The following YPEL1 variants were observed in gnomAD, a reference collection of about 807,000 sequenced individuals.
The protein encoded by YPEL1 is yippee like 1, also known as protein yippee-like 1.
In YPEL1, 7 loss-of-function variants were observed where a neutral mutation model predicts 17.3. The ratio of observed to expected loss-of-function variants is 0.40; its 90% CI spans 0.23 to 0.76. The LOEUF (loss-of-function observed/expected upper bound fraction) is 0.76, where lower values mean the gene tolerates loss of function less well. Ranked by LOEUF, YPEL1 falls within the 30% of genes least tolerant of loss-of-function variation. The pLI, the probability that YPEL1 is intolerant of heterozygous loss-of-function variation, is 0.35. For missense variants in YPEL1, 91 were observed against 155.5 expected (o/e 0.59, Z 2.21); for synonymous variants, 59 against 59.6 (o/e 0.99, Z 0.05).
rs113451344 is a variant in YPEL1, at chr22:21,720,435, A to G, written c.-164-9527T>C. Among the ~76,000 whole-genome samples, 993 of 152,110 alleles carry G rather than the reference A, an allele frequency of 6.5e-3. 11 individuals carry two copies. Among genetic ancestry groups the G allele is most frequent in the African/African-American group, 0.023 (960 of 41,500 alleles). On this transcript the variant is annotated intron_variant, in intron 1 of 4. Transcript: ENST00000339468. Reference sequence around the variant, plus strand: ...AAGCTGGTCTCAAACGCCTGGGTTCAAGTGATCTAACCGCCCCAGCCTCCC... The same window carrying G: ...AAGCTGGTCTCAAACGCCTGGGTTCGAGTGATCTAACCGCCCCAGCCTCCC...
chr22:21,722,119 C>A (rs1342628586), intron 1 of YPEL1, among the ~76,000 whole-genome samples: 1 of 152,122 alleles, frequency 6.6e-6, no homozygotes, highest in Admixed American at 6.6e-5. Context: ...AGGGAAAGCA[C>A]TTCAAAAAGT....
In YPEL1 at chr22:21,710,053, T is replaced by C. The variant is rs190983448; in HGVS notation, c.117+575A>G. Among the ~76,000 whole-genome samples the C allele has an allele frequency of 3.2e-4, 49 of 152,212 alleles. No individual in the cohort carries two copies. The East Asian group carries it at 9.1e-3, about 28-fold the overall frequency. On this transcript the variant is annotated intron_variant, in intron 2 of 4. Coordinates refer to ENST00000339468, the MANE Select transcript of YPEL1 (RefSeq NM_013313.5). ...TTAAATGTTCACAACTGGTTGATGATCAACGCCACACACTGCTAATGAGGA... is the reference window on the plus strand; with the variant it reads ...TTAAATGTTCACAACTGGTTGATGACCAACGCCACACACTGCTAATGAGGA...
chr22:21,720,259 G>A (rs748099174), intron 1 of YPEL1, among the ~76,000 whole-genome samples: 1 of 150,846 alleles, frequency 6.6e-6, no homozygotes, highest in Non-Finnish European at 1.5e-5. Flanking sequence ...CCGGAGTGCA[G>A]TGGCATGGTC....
Position 21,703,592 on chromosome 22 carries a change from T to A in YPEL1, c.162-114A>T. The stretch of plus-strand genomic sequence containing the variant: ...AAGAGTTCCCCCAAAACAGGGAAAC[T>A]CCCAGAGAGCAGTGCCGTGCCTCTC... On this transcript the variant is annotated intron_variant, in intron 3 of 4. Coordinates refer to ENST00000339468, the MANE Select transcript of YPEL1 (RefSeq NM_013313.5). The surrounding 1 kb of genome is among the most constrained non-coding windows in gnomAD (Gnocchi z 6.1). 9.9e-7 allele frequency: 1 copy of A among 1,007,842 alleles called. No homozygotes were observed. The highest frequency in any genetic ancestry group is 1.5e-6 in the Non-Finnish European group (1 of 674,802). The allele number at this position is 1,007,842 out of a possible 1,614,324, so 62.4% of individuals were successfully genotyped here.
At chr22:21,720,559 C>CGACTCA (rs1176248856) in intron 1 of YPEL1, among the ~76,000 whole-genome samples, 1 of 151,960 alleles carries the variant, frequency 6.6e-6, no homozygotes, top group Non-Finnish European at 1.5e-5. Flanking sequence ...GGCATGATTT[C>CGACTCA]GACTCACTGC....
chr22:21,718,128 CA>C (rs55677107), intron 1 of YPEL1, among the ~76,000 whole-genome samples: 16,887 of 130,316 alleles, frequency 0.13, 2,235 homozygotes, highest in African/African-American at 0.36. Flanking sequence ...GACTCTGTCT[CA>C]AAAAAAAAAA....
At chr22:21,733,066 T>C (rs2068403725) in intron 1 of YPEL1, among the ~76,000 whole-genome samples, 2 of 151,400 alleles carry the variant, frequency 1.3e-5, no homozygotes, top group Admixed American at 6.6e-5. Flanking sequence ...CAGTGAGCTA[T>C]GATTGTGCCA....
intron 1 of YPEL1, among the ~76,000 whole-genome samples, chr22:21,713,269 C>A (rs961851930): frequency 6.6e-6 from 1 of 152,168 alleles, no homozygotes; most frequent in Non-Finnish European, 1.5e-5. Context: ...GGGTATAAAT[C>A]CACGAGAACT....
chr22:21,701,290 A>AC, intron 4 of YPEL1, 72 bp from the exon 5 acceptor site: 1 of 1,183,974 alleles, frequency 8.4e-7, no homozygotes, highest in Non-Finnish European at 1.2e-6. Flanking sequence ...TTTTGGCAAA[A>AC]ACCCCCCCCA....
chr22:21,722,144 C>A (rs965778018), intron 1 of YPEL1, among the ~76,000 whole-genome samples: 7 of 152,124 alleles, frequency 4.6e-5, no homozygotes, highest in Non-Finnish European at 7.3e-5. Flanking sequence ...ATTTGGCCAG[C>A]GCGGTGGCTC....
intron 2 of YPEL1, 45 bp downstream of exon 2, chr22:21,710,583 A>G (rs1006545076): frequency 1.4e-6 from 2 of 1,469,556 alleles, no homozygotes; most frequent in African/African-American, 2.8e-5. Context: ...TACCACAATG[A>G]CAGATAATCA....
chr22:21,726,431 G>C (rs372957120), intron 1 of YPEL1, among the ~76,000 whole-genome samples: 6 of 152,300 alleles, frequency 3.9e-5, no homozygotes. Flanking sequence ...ATCCCTGCCC[G>C]CTAGCGGCCA....
intron 1 of YPEL1, among the ~76,000 whole-genome samples, chr22:21,727,938 T>C (rs892491931): frequency 6.6e-6 from 1 of 152,060 alleles, no homozygotes; most frequent in Non-Finnish European, 1.5e-5. Flanking sequence ...CTCAGGCAGA[T>C]ACGGAAGCCA....
chr22:21,718,272 G>A (rs1401635269), intron 1 of YPEL1, among the ~76,000 whole-genome samples: 1 of 151,934 alleles, frequency 6.6e-6, no homozygotes, highest in Admixed American at 6.6e-5. Flanking sequence ...GACCATCCTG[G>A]CTAACACAAT....
At chr22:21,711,828 T>C (rs951307394) in intron 1 of YPEL1, among the ~76,000 whole-genome samples, 4 of 152,176 alleles carry the variant, frequency 2.6e-5, no homozygotes, top group African/African-American at 7.2e-5. Context: ...TTGGATACGA[T>C]ACCAAAAGCA....
At chr22:21,726,777 G>A (rs2068339867) in intron 1 of YPEL1, among the ~76,000 whole-genome samples, 7 of 152,034 alleles carry the variant, frequency 4.6e-5, no homozygotes, top group Admixed American at 4.6e-4. Flanking sequence ...AGTGCCACTG[G>A]CTGAGCCTCC....
chr22:21,715,275 G>T (rs569602455), intron 1 of YPEL1, among the ~76,000 whole-genome samples: 1 of 151,980 alleles, frequency 6.6e-6, no homozygotes, highest in Non-Finnish European at 1.5e-5. Flanking sequence ...CGGGCAGATC[G>T]CCAGGTCAGG....
At chr22:21,702,617 CAAACA>C (rs1471635151) in intron 4 of YPEL1, among the ~76,000 whole-genome samples, 1 of 151,938 alleles carries the variant, frequency 6.6e-6, no homozygotes, top group African/African-American at 2.4e-5. Context: ...TCTCAAAAAA[CAAACA>C]AAACAACAAC....
chr22:21,715,404 G>A (rs2068211261), intron 1 of YPEL1, among the ~76,000 whole-genome samples: 2 of 151,692 alleles, frequency 1.3e-5, no homozygotes, highest in Admixed American at 1.3e-4. Flanking sequence ...TGAAGCAGGA[G>A]AATCACTTGA....
Sources: gnomAD v4.1 joint callset for allele counts (sites outside exome capture counted in the v4.1 genomes callset) on GRCh38, gnomAD v4.1.1 for gene constraint, Gnocchi (gnomAD v3.1) non-coding constraint, MANE v1.5 for transcripts, NCBI Gene and HGNC (gene_info 2026-07-23, HGNC 2026-07-21) for gene names.